NDFIP1: variants seen among roughly 807,000 people sequenced by gnomAD.
NDFIP1 encodes the protein NEDD4 family-interacting protein 1.
NDFIP1 carries 7 observed loss-of-function variants against 28.8 expected under a neutral mutation model. The ratio of observed to expected loss-of-function variants is 0.24; its 90% CI spans 0.14 to 0.46. NDFIP1 has a LOEUF of 0.46. NDFIP1 is among the 20% of genes least tolerant of loss of function. NDFIP1 has a pLI of 0.99. For synonymous variants in NDFIP1, 92 were observed against 101.0 expected (o/e 0.91, Z 0.53); for missense variants, 194 against 269.1 (o/e 0.72, Z 1.95).
chr5:142,111,821 C>A (rs945275881), intron 1 of NDFIP1, among the ~76,000 whole-genome samples: 1 of 152,048 alleles, frequency 6.6e-6, no homozygotes, highest in Non-Finnish European at 1.5e-5. Context: ...AATCACAGCA[C>A]TTTGGGAGGC....
chr5:142,112,496 G>C (rs72799903), intron 1 of NDFIP1, among the ~76,000 whole-genome samples: 1 of 145,704 alleles, frequency 6.9e-6, no homozygotes. Flanking sequence ...CTGGGATCGC[G>C]CCACTGTACT....
intron 1 of NDFIP1, among the ~76,000 whole-genome samples, chr5:142,130,509 A>G (rs1757216653): frequency 6.6e-6 from 1 of 152,148 alleles, no homozygotes; most frequent in South Asian, 2.1e-4. Context: ...GTCTTAACAG[A>G]TTATTTTTCT....
rs1757475147 is a variant in NDFIP1, at chr5:142,154,152, AT to A, written c.*2425del. 6.6e-6 allele frequency: 1 copy of A among 152,286 alleles called. No homozygotes were observed. Among genetic ancestry groups the A allele is most frequent in the African/African-American group, 2.4e-5 (1 of 41,446 alleles). The allele number at this position is 152,286 out of a possible 1,614,324, so 9.4% of individuals were successfully genotyped here. A position where few individuals can be genotyped will look rare whatever the true frequency, so the allele number is the denominator to read the frequency against. On this transcript the variant is annotated 3_prime_UTR_variant, in exon 8 of 8. Transcript: ENST00000253814. ...TCACTTTGATACGTTAATACTGATAATGGATAAAGAGTGAGTTTTTATAATA... is the reference window on the plus strand; with the variant it reads ...TCACTTTGATACGTTAATACTGATAAGGATAAAGAGTGAGTTTTTATAATA...
At chr5:142,144,497 G>A (rs551028567) in intron 6 of NDFIP1, 74 bp from the exon 7 acceptor site, 38 of 1,057,088 alleles carry the variant, frequency 3.6e-5, no homozygotes, top group South Asian at 3.2e-4. Flanking sequence ...ATCGCTATCA[G>A]GAGAGGGATT....
intron 3 of NDFIP1, among the ~76,000 whole-genome samples, chr5:142,135,098 C>T (rs930987287): frequency 2.6e-5 from 4 of 152,086 alleles, no homozygotes; most frequent in East Asian, 3.9e-4. Context: ...CCTGCCTTAG[C>T]CTCCCGAGTA....
intron 7 of NDFIP1, among the ~76,000 whole-genome samples, chr5:142,146,615 TAAAA>T (rs938105684): frequency 2.0e-5 from 3 of 152,166 alleles, no homozygotes; most frequent in Non-Finnish European, 4.4e-5. Flanking sequence ...TTTCTCTTTT[TAAAA>T]AAAGTCATCA....
At chr5:142,131,426 C>T (rs1757225945) in intron 1 of NDFIP1, among the ~76,000 whole-genome samples, 1 of 152,170 alleles carries the variant, frequency 6.6e-6, no homozygotes, top group African/African-American at 2.4e-5. Flanking sequence ...AGGAGTGTGC[C>T]ACCATGCCTG....
chr5:142,143,491 A>G (rs1460731717), intron 6 of NDFIP1: 1 of 152,158 alleles, frequency 6.6e-6, no homozygotes, highest in South Asian at 2.1e-4. Context: ...TCAACTGTCC[A>G]AGTACCATTT....
chr5:142,118,648 C>G (rs1757093134), intron 1 of NDFIP1, among the ~76,000 whole-genome samples: 1 of 152,166 alleles, frequency 6.6e-6, no homozygotes, highest in African/African-American at 2.4e-5. Context: ...TATGCATGGT[C>G]CACACATAAG....
Position 142,108,825 on chromosome 5 carries a change from G to C in NDFIP1, c.-150G>C, listed in dbSNP as rs1052740293. On this transcript the variant is annotated 5_prime_UTR_variant, in exon 1 of 8. Coordinates refer to ENST00000253814, the MANE Select transcript of NDFIP1 (RefSeq NM_030571.4). ...GCGGCGGCGGCGGTGCTTACAGCCT[G>C]AGAAGAGCGTCTCGCCCGGGAGCGG... 6.9e-6 allele frequency: 4 copies of C among 583,412 alleles called. No homozygotes were observed. The highest frequency in any genetic ancestry group is 1.1e-5 in the Non-Finnish European group (4 of 379,068). 36.1% of individuals were successfully genotyped at this position (583,412 alleles called of 1,614,324 possible). A position where few individuals can be genotyped will look rare whatever the true frequency, so the allele number is the denominator to read the frequency against.
chr5:142,144,366 C>T (rs1234529204), intron 6 of NDFIP1: 1 of 452,966 alleles, frequency 2.2e-6, no homozygotes, highest in Admixed American at 3.7e-5. Context: ...GCAAAAGACA[C>T]TATTGACTCT....
intron 1 of NDFIP1, among the ~76,000 whole-genome samples, chr5:142,127,821 T>C (rs1757185764): frequency 6.6e-6 from 1 of 152,052 alleles, no homozygotes; most frequent in Non-Finnish European, 1.5e-5. Context: ...CCAGGTATGG[T>C]GGTGCATGCC....
At chr5:142,127,611 G>C (rs1477291729) in intron 1 of NDFIP1, among the ~76,000 whole-genome samples, 1 of 152,142 alleles carries the variant, frequency 6.6e-6, no homozygotes, top group Non-Finnish European at 1.5e-5. Flanking sequence ...ACTCTACTTT[G>C]TATGGCCTGT....
chr5:142,142,942 T>TATAA (rs1757351387), intron 6 of NDFIP1: 1 of 39,198 alleles, frequency 2.6e-5, no homozygotes, highest in African/African-American at 6.9e-5. Flanking sequence ...AAAAAAAAAA[T>TATAA]ATATATATAT....
chr5:142,133,464 T>A (rs1757245635), intron 3 of NDFIP1, among the ~76,000 whole-genome samples: 1 of 152,184 alleles, frequency 6.6e-6, no homozygotes, highest in African/African-American at 2.4e-5. Context: ...ATGTGAAAAT[T>A]TAGGTCCAGA....
intron 1 of NDFIP1, among the ~76,000 whole-genome samples, chr5:142,125,046 T>C (rs930055196): frequency 5.9e-5 from 9 of 152,182 alleles, no homozygotes; most frequent in Admixed American, 3.9e-4. Flanking sequence ...CAGGATGGTC[T>C]CGATCTCCTA....
At chr5:142,132,803 C>CA (rs1375215666) in intron 3 of NDFIP1, among the ~76,000 whole-genome samples, 1 of 152,138 alleles carries the variant, frequency 6.6e-6, no homozygotes, top group Non-Finnish European at 1.5e-5. Flanking sequence ...TTTGTGGGGA[C>CA]ATAGTGAGTT....
rs891787577 is a variant in NDFIP1 at position 142,141,336 on chromosome 5, C to T, written c.562+707C>T. On this transcript the variant is annotated intron_variant, in intron 6 of 7. Coordinates refer to ENST00000253814, the MANE Select transcript of NDFIP1 (RefSeq NM_030571.4). ...GACTACAGGCACCTGCCACCACGCC[C>T]GGCTAATTTTTTTGTATTTTTAGTA... is the stretch of plus-strand genomic sequence containing the variant. Among the ~76,000 whole-genome samples, 5 of 151,482 alleles carry T rather than the reference C, an allele frequency of 3.3e-5. 1 individual carries two copies. Among genetic ancestry groups the T allele is most frequent in the South Asian group, 4.2e-4 (2 of 4,794 alleles).
intron 1 of NDFIP1, among the ~76,000 whole-genome samples, chr5:142,125,164 T>C (rs1757158698): frequency 6.6e-6 from 1 of 152,198 alleles, no homozygotes; most frequent in South Asian, 2.1e-4. Context: ...CATGTGTCAG[T>C]ATCTCATTTT....
Sources: allele counts gnomAD v4.1 joint callset (sites outside exome capture counted in the v4.1 genomes callset), GRCh38; gene constraint gnomAD v4.1.1; transcripts MANE v1.5; gene names NCBI Gene and HGNC (gene_info 2026-07-23, HGNC 2026-07-21).